Variants in MCTP1 observed in about 807,000 individuals in gnomAD.
MCTP1 encodes multiple C2 and transmembrane domain-containing protein 1.
In MCTP1, 69 loss-of-function variants were observed where a neutral mutation model predicts 120.6. The observed-to-expected ratio is 0.57, with a 90% CI of 0.47 to 0.70. MCTP1 has a LOEUF of 0.70. Ranked by LOEUF, MCTP1 falls within the 30% of genes least tolerant of loss-of-function variation. MCTP1 has a pLI of 0.00. For synonymous variants in MCTP1, 529 were observed against 493.1 expected (o/e 1.07, Z -0.96); for missense variants, 1,203 against 1,248.8 (o/e 0.96, Z 0.55).
chr5:95,113,893 G>C (rs1757630697), intron 1 of MCTP1, among the ~76,000 whole-genome samples: 1 of 152,140 alleles, frequency 6.6e-6, no homozygotes, highest in Non-Finnish European at 1.5e-5. Context: ...CCTTCTTCTT[G>C]AGTAGAGAAG....
intron 17 of MCTP1, among the ~76,000 whole-genome samples, chr5:94,813,522 C>T (rs1783873705): frequency 6.6e-6 from 1 of 152,152 alleles, no homozygotes; most frequent in Non-Finnish European, 1.5e-5. Flanking sequence ...TGCATTGCAG[C>T]ATTATTCATG....
intron 7 of MCTP1, among the ~76,000 whole-genome samples, chr5:94,919,767 T>C (rs2153456244): frequency 1.3e-5 from 2 of 152,360 alleles, no homozygotes; most frequent in South Asian, 4.1e-4. Flanking sequence ...TTGCTTTTCC[T>C]GCTGAGTTTA....
rs969199333 is a variant in MCTP1, at chr5:95,201,535, C to T, written c.720+82321G>A. ...TTTTTTTTTTTTTGAGACAGAGTCT[C>T]GCTTTGTTGCCCAGGCTGGAGCACA... On this transcript the variant is annotated intron_variant, in intron 1 of 22. Transcript: ENST00000515393. Among the ~76,000 whole-genome samples, 12 of 104,224 alleles carry T rather than the reference C, an allele frequency of 1.2e-4. No homozygotes were observed. In the East Asian group the frequency reaches 3.3e-3, roughly 29 times the overall value. The allele number at this position is 104,224 out of a possible 152,430, so 68.4% of individuals were successfully genotyped here.
chr5:94,899,721 T>C (rs1805000479), intron 10 of MCTP1, among the ~76,000 whole-genome samples: 1 of 152,214 alleles, frequency 6.6e-6, no homozygotes, highest in African/African-American at 2.4e-5. Context: ...ATTCTCCATA[T>C]GGCCTGTGCA....
intron 1 of MCTP1, among the ~76,000 whole-genome samples, chr5:95,080,445 G>C (rs892082908): frequency 6.6e-6 from 1 of 152,140 alleles, no homozygotes; most frequent in African/African-American, 2.4e-5. Flanking sequence ...ATGATAGTAA[G>C]TCAATTAAGA....
At chr5:94,929,391 TG>T (rs1314291855) in intron 6 of MCTP1, among the ~76,000 whole-genome samples, 1 of 152,132 alleles carries the variant, frequency 6.6e-6, no homozygotes, top group African/African-American at 2.4e-5. Flanking sequence ...AAGAAGAAAA[TG>T]ATCTGTGTTT....
intron 12 of MCTP1, among the ~76,000 whole-genome samples, chr5:94,888,620 T>C (rs190590859): frequency 6.6e-6 from 1 of 152,234 alleles, no homozygotes; most frequent in African/African-American, 2.4e-5. Context: ...TCCTACTACA[T>C]TGATTAAACT....
At chr5:95,015,350 T>C (rs187919913) in intron 2 of MCTP1, among the ~76,000 whole-genome samples, 1 of 152,222 alleles carries the variant, frequency 6.6e-6, no homozygotes, top group East Asian at 1.9e-4. Flanking sequence ...CACATCCTGG[T>C]TGATTTTAAT....
chr5:95,032,532 T>C (rs1840498664), intron 1 of MCTP1, among the ~76,000 whole-genome samples: 1 of 151,996 alleles, frequency 6.6e-6, no homozygotes, highest in Non-Finnish European at 1.5e-5. Flanking sequence ...AAAAAATTTT[T>C]GACACAAATA....
Position 95,136,512 on chromosome 5 carries a change from G to A in MCTP1, c.721-119028C>T, listed in dbSNP as rs116575194. ...AAGCTGGAGACAGAGATGAAGTGGCGAGGAAAAAAGTTGGGGACAGGGAAA... is the reference window on the plus strand; with the variant it reads ...AAGCTGGAGACAGAGATGAAGTGGCAAGGAAAAAAGTTGGGGACAGGGAAA... On this transcript the variant is annotated intron_variant, in intron 1 of 22. Coordinates refer to ENST00000515393, the MANE Select transcript of MCTP1 (RefSeq NM_024717.7). Among the ~76,000 whole-genome samples, 1,072 of 152,170 alleles carry A rather than the reference G, an allele frequency of 7.0e-3. 20 individuals are homozygous for A. The highest frequency in any genetic ancestry group is 9.2e-3 in the African/African-American group (382 of 41,510).
At chr5:95,054,361 TAA>T (rs1274531415) in intron 1 of MCTP1, among the ~76,000 whole-genome samples, 4 of 152,234 alleles carry the variant, frequency 2.6e-5, no homozygotes, top group Admixed American at 2.6e-4. Flanking sequence ...TCAAAAATTT[TAA>T]AGAGATAAAC....
intron 17 of MCTP1, among the ~76,000 whole-genome samples, chr5:94,800,560 A>G (rs1351141910): frequency 1.3e-5 from 2 of 152,192 alleles, no homozygotes; most frequent in Non-Finnish European, 2.9e-5. Context: ...CAGGGCCAGG[A>G]GACCAAGGTT....
At chr5:95,133,457 C>T (rs1759200499) in intron 1 of MCTP1, among the ~76,000 whole-genome samples, 1 of 152,138 alleles carries the variant, frequency 6.6e-6, no homozygotes, top group Non-Finnish European at 1.5e-5. Flanking sequence ...AGTTTGAGAC[C>T]AGCCTGGCCA....
intron 2 of MCTP1, among the ~76,000 whole-genome samples, chr5:94,969,974 G>A (rs1215397606): frequency 1.3e-5 from 2 of 151,984 alleles, no homozygotes; most frequent in African/African-American, 4.8e-5. Flanking sequence ...TTAAATGCAA[G>A]AGGTTTATAA....
At chr5:94,846,807 CTG>C (rs1206315344) in intron 17 of MCTP1, among the ~76,000 whole-genome samples, 1 of 129,126 alleles carries the variant, frequency 7.7e-6, no homozygotes, top group African/African-American at 3.2e-5. Context: ...ATGTGTGTCT[CTG>C]TGTGTGTCTG....
At chr5:94,983,645 G>GTCTT (rs563728570) in intron 2 of MCTP1, among the ~76,000 whole-genome samples, 1 of 13,428 alleles carries the variant, frequency 7.4e-5, no homozygotes, top group Non-Finnish European at 2.6e-4. Flanking sequence ...ATCTTTATCT[G>GTCTT]TCTGTCTGTC....
chr5:95,282,503 A>G (rs968892574), intron 1 of MCTP1, among the ~76,000 whole-genome samples: 2 of 152,210 alleles, frequency 1.3e-5, no homozygotes, highest in Non-Finnish European at 1.5e-5. Flanking sequence ...TTCCTTTAAT[A>G]TATAGTATTC....
intron 13 of MCTP1, among the ~76,000 whole-genome samples, 156 bp downstream of exon 13, chr5:94,872,983 G>A (rs1798102722): frequency 6.6e-6 from 1 of 152,040 alleles, no homozygotes; most frequent in African/African-American, 2.4e-5. Flanking sequence ...TTTCAGGAAG[G>A]TAGGAGGAAA....
chr5:94,723,555 GT>G (rs34151976), intron 19 of MCTP1, among the ~76,000 whole-genome samples: 2,076 of 149,532 alleles, frequency 0.014, 47 homozygotes, highest in African/African-American at 0.047. Flanking sequence ...ACTTGGCAGA[GT>G]TTTTTTTTTG....
Sources: gnomAD v4.1 joint callset for allele counts (sites outside exome capture counted in the v4.1 genomes callset) on GRCh38, gnomAD v4.1.1 for gene constraint, MANE v1.5 for transcripts, NCBI Gene and HGNC (gene_info 2026-07-23, HGNC 2026-07-21) for gene names.